The following CCDC85A variants were observed in gnomAD, a reference collection of about 807,000 sequenced individuals.
The protein encoded by CCDC85A is coiled-coil domain containing 85A, also known as coiled-coil domain-containing protein 85A.
CCDC85A carries 38 observed loss-of-function variants against 50.2 expected under a neutral mutation model. That is an observed-to-expected ratio of 0.76 (90% confidence interval 0.58 to 0.99). The LOEUF is 0.99. CCDC85A is among the 50% of genes least tolerant of loss of function. The pLI, the probability that CCDC85A is intolerant of heterozygous loss-of-function variation, is 0.00. For synonymous variants in CCDC85A, 366 were observed against 301.4 expected, an observed-to-expected ratio of 1.21 and a Z score of -2.22; for missense variants, 820 against 742.0, an observed-to-expected ratio of 1.11 and a Z score of -1.22.
chr2:56,186,046 A>G (rs527403854), intron 1 of CCDC85A, among the ~76,000 whole-genome samples: 86 of 152,328 alleles, frequency 5.6e-4, no homozygotes, highest in Admixed American at 9.1e-4. Context: ...GGGGCAAGAA[A>G]GAGTGGGAAG....
At chr2:56,310,609 A>G (rs1672646854) in intron 2 of CCDC85A, among the ~76,000 whole-genome samples, 2 of 152,192 alleles carry the variant, frequency 1.3e-5, no homozygotes. Context: ...GATCTACTTC[A>G]GCATTTGAGA....
chr2:56,334,194 A>G (rs192430833), intron 2 of CCDC85A, among the ~76,000 whole-genome samples: 1 of 152,252 alleles, frequency 6.6e-6, no homozygotes, highest in Admixed American at 6.5e-5. Context: ...TTTGGTTTTT[A>G]CTGCCTGTCT....
In CCDC85A at chr2:56,232,596, G is replaced by C. The variant is rs142276818; in HGVS notation, c.1240+39156G>C. Among the ~76,000 whole-genome samples, 1,109 of 152,230 alleles carry C rather than the reference G, an allele frequency of 7.3e-3. 9 individuals are homozygous for C. Among genetic ancestry groups the C allele is most frequent in the Non-Finnish European group, 9.6e-3 (655 of 68,014 alleles). ...TCTCTCTCCTTCCACCCTGTGAAGAGGTGCCTTCCACTATGATTGTAAGTT... is the reference window on the plus strand; with the variant it reads ...TCTCTCTCCTTCCACCCTGTGAAGACGTGCCTTCCACTATGATTGTAAGTT... On this transcript the variant is annotated intron_variant, in intron 2 of 5. Transcript: ENST00000407595.
At chr2:56,313,906 C>T (rs1276120060) in intron 2 of CCDC85A, among the ~76,000 whole-genome samples, 1 of 148,906 alleles carries the variant, frequency 6.7e-6, no homozygotes, top group South Asian at 2.1e-4. Flanking sequence ...CTGGGCCTGG[C>T]CTGTTCAGGG....
At chr2:56,363,839 C>G (rs1278538939) in intron 3 of CCDC85A, among the ~76,000 whole-genome samples, 1 of 152,178 alleles carries the variant, frequency 6.6e-6, no homozygotes, top group Non-Finnish European at 1.5e-5. Context: ...TGCATCCATA[C>G]TGGCAATTCA....
rs557488254 is a variant in CCDC85A, at chr2:56,356,296, C to T, written c.1317+13341C>T. Among the ~76,000 whole-genome samples, 582 of 152,308 alleles carry T rather than the reference C, an allele frequency of 3.8e-3. 8 individuals are homozygous for T. The highest frequency in any genetic ancestry group is 0.013 in the African/African-American group (556 of 41,572). ...GAGTTTTAAGCAAAGGGGCCTTTAT[C>T]AACTTTGTATTTTGCAATTTTTGTT... On this transcript the variant is annotated intron_variant, in intron 3 of 5. Coordinates refer to ENST00000407595, the MANE Select transcript of CCDC85A (RefSeq NM_001080433.2).
At chr2:56,324,697 G>C (rs1355658550) in intron 2 of CCDC85A, among the ~76,000 whole-genome samples, 1 of 151,978 alleles carries the variant, frequency 6.6e-6, no homozygotes, top group East Asian at 1.9e-4. Flanking sequence ...ATTCCATAAA[G>C]TCAACTGCTT....
chr2:56,303,145 A>G (rs921763615), intron 2 of CCDC85A, among the ~76,000 whole-genome samples: 1 of 152,110 alleles, frequency 6.6e-6, no homozygotes, highest in Non-Finnish European at 1.5e-5. Flanking sequence ...ATCTCGCTGC[A>G]TTGCAATTCT....
chr2:56,296,284 T>C (rs1671944099), intron 2 of CCDC85A, among the ~76,000 whole-genome samples: 1 of 152,170 alleles, frequency 6.6e-6, no homozygotes, highest in South Asian at 2.1e-4. Flanking sequence ...CACTAATGGT[T>C]CAGAAGGGTT....
At chr2:56,378,773 G>A (rs987595204) in intron 5 of CCDC85A, among the ~76,000 whole-genome samples, 5 of 152,200 alleles carry the variant, frequency 3.3e-5, no homozygotes, top group African/African-American at 9.6e-5. Flanking sequence ...CTCAATTGGT[G>A]TAAATTCACA....
At chr2:56,321,944 G>T (rs13181487) in intron 2 of CCDC85A, among the ~76,000 whole-genome samples, 1 of 152,102 alleles carries the variant, frequency 6.6e-6, no homozygotes, top group Non-Finnish European at 1.5e-5. Flanking sequence ...CCAAAACAGA[G>T]ATATAGACCA....
At chr2:56,241,221 A>G (rs1202065670) in intron 2 of CCDC85A, among the ~76,000 whole-genome samples, 1 of 152,168 alleles carries the variant, frequency 6.6e-6, no homozygotes, top group African/African-American at 2.4e-5. Context: ...CATATGGCAT[A>G]TGAGATATTT....
intron 4 of CCDC85A, among the ~76,000 whole-genome samples, chr2:56,373,869 G>A (rs1293323898): frequency 6.6e-6 from 1 of 152,136 alleles, no homozygotes; most frequent in Non-Finnish European, 1.5e-5. Context: ...GGAAAGAGGA[G>A]CTTCCTTTTA....
chr2:56,282,870 A>G (rs1671268306), intron 2 of CCDC85A, among the ~76,000 whole-genome samples: 2 of 152,234 alleles, frequency 1.3e-5, no homozygotes, highest in African/African-American at 2.4e-5. Flanking sequence ...ACTTTATAGA[A>G]TAGTAGCACT....
intron 2 of CCDC85A, among the ~76,000 whole-genome samples, chr2:56,252,401 G>T (rs1169289423): frequency 6.6e-6 from 1 of 152,178 alleles, no homozygotes; most frequent in Non-Finnish European, 1.5e-5. Context: ...GTCAATGACA[G>T]GGAAACTCAG....
chr2:56,374,701 C>T (rs557637593), intron 4 of CCDC85A, among the ~76,000 whole-genome samples: 3 of 152,116 alleles, frequency 2.0e-5, no homozygotes, highest in Non-Finnish European at 2.9e-5. Flanking sequence ...CCCAGATACT[C>T]AGGAGGCTGA....
intron 2 of CCDC85A, among the ~76,000 whole-genome samples, chr2:56,320,881 A>C (rs1455279126): frequency 6.6e-6 from 1 of 152,184 alleles, no homozygotes; most frequent in African/African-American, 2.4e-5. Context: ...CATCAATGCA[A>C]AAATCCTCAA....
At chr2:56,257,773 T>C (rs745371245) in intron 2 of CCDC85A, among the ~76,000 whole-genome samples, 1 of 152,176 alleles carries the variant, frequency 6.6e-6, no homozygotes, top group Non-Finnish European at 1.5e-5. Context: ...TGTGATGTTA[T>C]ACATGAGAAA....
intron 2 of CCDC85A, among the ~76,000 whole-genome samples, chr2:56,318,466 C>T (rs1673017641): frequency 6.6e-6 from 1 of 152,028 alleles, no homozygotes; most frequent in African/African-American, 2.4e-5. Flanking sequence ...TCTGATCATC[C>T]AGTCATTCCT....
Sources: allele counts gnomAD v4.1 joint callset (sites outside exome capture counted in the v4.1 genomes callset), GRCh38; gene constraint gnomAD v4.1.1; transcripts MANE v1.5; gene names NCBI Gene and HGNC (gene_info 2026-07-23, HGNC 2026-07-21).